Variants in TRIP13 observed in about 807,000 individuals in gnomAD.
TRIP13 encodes the protein thyroid hormone receptor interactor 13, also known as pachytene checkpoint protein 2 homolog.
Under a neutral mutation model 54.4 loss-of-function variants are expected in TRIP13, and 25 were observed. The observed-to-expected ratio is 0.46, with a 90% CI of 0.33 to 0.64. TRIP13 has a LOEUF of 0.64. TRIP13 is among the 30% of genes least tolerant of loss of function. The probability of loss-of-function intolerance (pLI) is 0.02; values close to 1 mark genes in which losing one functional copy is unlikely to be tolerated. For missense variants in TRIP13, 373 were observed against 534.2 expected (o/e 0.70, Z 2.97); for synonymous variants, 207 against 207.8 (o/e 1.00, Z 0.03).
chr5:895,069 T>C (rs1335495254), intron 2 of TRIP13, 117 bp downstream of exon 2: 1 of 1,199,928 alleles, frequency 8.3e-7, no homozygotes, highest in East Asian at 2.4e-5. Flanking sequence ...CTCTGTTGGT[T>C]TGGGTGGCTA....
chr5:894,988 G>C, intron 2 of TRIP13, 36 bp downstream of exon 2: 1 of 1,552,358 alleles, frequency 6.4e-7, no homozygotes, highest in Non-Finnish European at 8.6e-7. Context: ...GGAACAGTTA[G>C]CTGAATACAA....
rs1397073179 is a variant in TRIP13, at chr5:917,286, A to G, written c.*183A>G. The stretch of plus-strand genomic sequence containing the variant: ...AGTGTATTCTATTTATGTTGTTTTA[A>G]AATGCATACTGAGAGACAAACATCT... On this transcript the variant is annotated 3_prime_UTR_variant, in exon 13 of 13. Coordinates refer to ENST00000166345, the MANE Select transcript of TRIP13 (RefSeq NM_004237.4). The G allele has an allele frequency of 1.8e-6, 1 of 547,946 alleles. No homozygotes were observed. Among genetic ancestry groups the G allele is most frequent in the Non-Finnish European group, 3.2e-6 (1 of 311,208 alleles). The allele number at this position is 547,946 out of a possible 1,614,324, so 33.9% of individuals were successfully genotyped here. A position where few individuals can be genotyped will look rare whatever the true frequency, so the allele number is the denominator to read the frequency against.
chr5:904,749 A>G (rs1012106876), intron 6 of TRIP13, among the ~76,000 whole-genome samples: 2 of 151,406 alleles, frequency 1.3e-5, no homozygotes, highest in Non-Finnish European at 2.9e-5. Context: ...AAGTTGACTG[A>G]TTTTCTACAT....
chr5:900,420 CA>C, intron 3 of TRIP13, 73 bp from the exon 4 acceptor site: 1 of 1,478,878 alleles, frequency 6.8e-7, no homozygotes, highest in Non-Finnish European at 9.4e-7. Flanking sequence ...GGCTTAGGCT[CA>C]GGGGAGACTG....
At chr5:910,039 G>A (rs1370408996) in intron 9 of TRIP13, among the ~76,000 whole-genome samples, 1 of 152,242 alleles carries the variant, frequency 6.6e-6, no homozygotes, top group African/African-American at 2.4e-5. Context: ...TGGGGGGCTT[G>A]TCCCCAACAA....
rs886250912 is a variant in TRIP13, at chr5:907,709, T to A, written c.673-279T>A. ...TTCCTCATCAGAGAGGACACACAGG[T>A]AAAGCAGAGGTACAGGTCACCCTCA... On this transcript the variant is annotated intron_variant, in intron 7 of 12. Transcript: ENST00000166345. The surrounding 1 kb of genome is among the most constrained non-coding windows in gnomAD (Gnocchi z 4.1). 2.0e-5 allele frequency among the ~76,000 whole-genome samples: 3 copies of A among 152,178 alleles called. No homozygotes were observed. Among genetic ancestry groups the A allele is most frequent in the Non-Finnish European group, 2.9e-5 (2 of 68,032 alleles).
At chr5:904,369 G>T (rs1423182497) in intron 6 of TRIP13, 149 bp downstream of exon 6, 1 of 654,230 alleles carries the variant, frequency 1.5e-6, no homozygotes, top group Admixed American at 3.6e-5. Flanking sequence ...GCATAGTTTT[G>T]AGTTATGATT....
At chr5:910,537 G>T (rs1383580454) in intron 9 of TRIP13, among the ~76,000 whole-genome samples, 1 of 152,120 alleles carries the variant, frequency 6.6e-6, no homozygotes, top group Non-Finnish European at 1.5e-5. Context: ...GACGCTGATG[G>T]CCTCGCTGTG....
chr5:907,070 T>G lies in TRIP13; in HGVS notation c.609-60T>G. ...GTTGCATTCAGGACGCGTGAATGGC[T>G]GCCGCTGAGGATCCACAGGACCAGT... On this transcript the variant is annotated intron_variant, in intron 6 of 12. Transcript: ENST00000166345. This position sits in a 1 kb window ranked among gnomAD's most constrained non-coding sequence, Gnocchi z 4.1. 6.8e-7 allele frequency: 1 copy of G among 1,472,924 alleles called. No homozygotes were observed. 91.2% of individuals were successfully genotyped at this position (1,472,924 alleles called of 1,614,324 possible).
intron 10 of TRIP13, among the ~76,000 whole-genome samples, chr5:914,212 A>G (rs1399018302): frequency 1.3e-5 from 2 of 152,162 alleles, no homozygotes; most frequent in Non-Finnish European, 2.9e-5. Context: ...AGAAGAGGCT[A>G]TGTTGCTACT....
intron 1 of TRIP13, among the ~76,000 whole-genome samples, chr5:894,486 G>A (rs1181739206): frequency 2.0e-5 from 3 of 152,212 alleles, no homozygotes; most frequent in Admixed American, 1.3e-4. Context: ...CTATGTGCCA[G>A]GTATCGTCCT....
chr5:901,568 T>G, intron 5 of TRIP13, 137 bp downstream of exon 5: 1 of 723,356 alleles, frequency 1.4e-6, no homozygotes, highest in Non-Finnish European at 2.3e-6. Context: ...GTCCCCTCTC[T>G]GTGAAGCAGA....
In TRIP13 at chr5:908,318, C is replaced by T; in HGVS notation, c.760-37C>T. On this transcript the variant is annotated intron_variant, in intron 8 of 12. Coordinates refer to ENST00000166345, the MANE Select transcript of TRIP13 (RefSeq NM_004237.4). The surrounding 1 kb of genome is among the most constrained non-coding windows in gnomAD (Gnocchi z 5.2). ...CCATAGCTGCCTGTGAAGTGCCAGG[C>T]CCTGTCCTTTTTGACCCCACTGCTC... The T allele has an allele frequency of 1.2e-6, 2 of 1,602,294 alleles. No homozygotes were observed. The highest frequency in any genetic ancestry group is 1.7e-6 in the Non-Finnish European group (2 of 1,175,856).
At chr5:904,798 A>G (rs1348163142) in intron 6 of TRIP13, among the ~76,000 whole-genome samples, 1 of 151,778 alleles carries the variant, frequency 6.6e-6, no homozygotes, top group Non-Finnish European at 1.5e-5. Context: ...TGAAGTTGTT[A>G]TGTCTGATAG....
intron 3 of TRIP13, 99 bp from the exon 4 acceptor site, chr5:900,395 A>C: frequency 8.4e-7 from 1 of 1,185,032 alleles, no homozygotes; most frequent in Non-Finnish European, 1.2e-6. Context: ...CTGGAGCAGC[A>C]CAATGGGAAG....
In TRIP13 at chr5:914,465, T is replaced by C. The variant is rs1754302383; in HGVS notation, c.1021T>C (p.Cys341Arg). The C allele has an allele frequency of 5.0e-6, 8 of 1,610,180 alleles. No homozygotes were observed. In the South Asian group the frequency reaches 8.8e-5, roughly 18 times the overall value. ...YLSCLEELMKCQIIYPRQQLL... is the reference protein window; with the variant it reads ...YLSCLEELMKRQIIYPRQQLL... Reference sequence around the variant, plus strand: ...ACCGCCTGTACTTCTGTCTCCCCAGTGTCAGATCATATACCCTCGCCAGCA... The same window carrying C: ...ACCGCCTGTACTTCTGTCTCCCCAGCGTCAGATCATATACCCTCGCCAGCA... Residue 341 changes from cysteine (C) to arginine (R), a missense_variant and splice_region_variant, in exon 11 of 13, where the codon TGT (cysteine) becomes CGT (arginine). This residue lies in a region of TRIP13 where 101 missense variants were observed against 138.5 expected (regional missense o/e 0.73). Transcript: ENST00000166345.
At chr5:905,659 C>T (rs1202339540) in intron 6 of TRIP13, among the ~76,000 whole-genome samples, 1 of 151,940 alleles carries the variant, frequency 6.6e-6, no homozygotes, top group Non-Finnish European at 1.5e-5. Flanking sequence ...CTGTGTACAG[C>T]AACCTTACCA....
intron 9 of TRIP13, among the ~76,000 whole-genome samples, chr5:909,369 C>T (rs1754183256): frequency 6.6e-6 from 1 of 152,220 alleles, no homozygotes; most frequent in South Asian, 2.1e-4. Context: ...CTCAGGGTGC[C>T]TGGGGAGTCC....
chr5:904,565 CCTGGT>C (rs944841528), intron 6 of TRIP13, among the ~76,000 whole-genome samples: 1 of 152,096 alleles, frequency 6.6e-6, no homozygotes, highest in African/African-American at 2.4e-5. Context: ...TTGGAAAATA[CCTGGT>C]CATTGTTTCC....
Sources: gnomAD v4.1 joint callset for allele counts (sites outside exome capture counted in the v4.1 genomes callset) on GRCh38, gnomAD v4.1.1 for gene constraint, gnomAD v4.1.1 regional missense constraint, Gnocchi (gnomAD v3.1) non-coding constraint, MANE v1.5 for transcripts, NCBI Gene and HGNC (gene_info 2026-07-23, HGNC 2026-07-21) for gene names.